Variants in TMC1 observed in about 807,000 individuals in gnomAD.
TMC1 encodes the protein transmembrane channel-like protein 1.
Under a neutral mutation model 105.8 loss-of-function variants are expected in TMC1, and 84 were observed. The ratio of observed to expected loss-of-function variants is 0.79; its 90% CI spans 0.67 to 0.95. TMC1 has a LOEUF of 0.95. TMC1 is among the 40% of genes least tolerant of loss of function. The pLI is 0.00. For missense variants in TMC1, 817 were observed against 914.1 expected (o/e 0.89, Z 1.37); for synonymous variants, 315 against 311.5 (o/e 1.01, Z -0.12).
chr9:72,584,146 A>C (rs1204752360), intron 2 of TMC1, among the ~76,000 whole-genome samples: 8 of 152,240 alleles, frequency 5.3e-5, no homozygotes, highest in Non-Finnish European at 1.2e-4. Flanking sequence ...GTAGGGGTAC[A>C]GGGGAAGGAA....
At chr9:72,594,717 CAT>C (rs1167046389) in intron 2 of TMC1, among the ~76,000 whole-genome samples, 1 of 152,088 alleles carries the variant, frequency 6.6e-6, no homozygotes, top group African/African-American at 2.4e-5. Flanking sequence ...TATATTCTCT[CAT>C]ATTCTCCTCA....
intron 2 of TMC1, among the ~76,000 whole-genome samples, chr9:72,614,973 C>T (rs1825102300): frequency 6.6e-6 from 1 of 152,120 alleles, no homozygotes; most frequent in South Asian, 2.1e-4. Flanking sequence ...AGCCACTGAG[C>T]CCAGCCAGTT....
intron 1 of TMC1, among the ~76,000 whole-genome samples, chr9:72,555,629 C>T (rs1269245678): frequency 6.7e-6 from 1 of 149,736 alleles, no homozygotes; most frequent in African/African-American, 2.5e-5. Flanking sequence ...GGACTTAACT[C>T]TTTTTTTTTG....
chr9:72,742,711 C>T (rs1827411336), intron 10 of TMC1, among the ~76,000 whole-genome samples, 186 bp downstream of exon 10: 1 of 152,168 alleles, frequency 6.6e-6, no homozygotes, highest in African/African-American at 2.4e-5. Flanking sequence ...TTTGCTAGCA[C>T]TTACCAAGGA....
intron 23 of TMC1, among the ~76,000 whole-genome samples, chr9:72,833,086 A>G (rs1829067493): frequency 6.6e-6 from 1 of 152,176 alleles, no homozygotes; most frequent in South Asian, 2.1e-4. Flanking sequence ...TAATTTTAAT[A>G]GATAATATTT....
chr9:72,532,278 C>T (rs545609686), intron 1 of TMC1, among the ~76,000 whole-genome samples: 15 of 152,198 alleles, frequency 9.9e-5, no homozygotes, highest in African/African-American at 2.9e-4. Flanking sequence ...TGGCAGCTCA[C>T]GCCTGTAATC....
intron 1 of TMC1, among the ~76,000 whole-genome samples, chr9:72,569,026 C>G (rs1292912889): frequency 2.0e-5 from 3 of 152,130 alleles, no homozygotes; most frequent in African/African-American, 7.2e-5. Context: ...TAGAAGTGAA[C>G]TAAACAATAA....
intron 1 of TMC1, among the ~76,000 whole-genome samples, chr9:72,571,376 TTC>T (rs34947737): frequency 2.7e-5 from 4 of 149,074 alleles, no homozygotes; most frequent in Non-Finnish European, 3.0e-5. Flanking sequence ...ACTTCTCTCT[TTC>T]TCTCTCTCTC....
chr9:72,721,019 G>T (rs1311088927), intron 8 of TMC1, among the ~76,000 whole-genome samples: 6 of 152,000 alleles, frequency 3.9e-5, no homozygotes, highest in Non-Finnish European at 5.9e-5. Context: ...CAAATGGGGG[G>T]CCCCTTGTTA....
At chr9:72,835,915 G>GTTTTTTTTTTTTTTTTTTTTCTTTTT in intron 23 of TMC1, 36 bp from the exon 24 acceptor site, 2 of 1,314,682 alleles carry the variant, frequency 1.5e-6, no homozygotes, top group East Asian at 5.1e-5. Context: ...CTCTCTCCTT[G>GTTTTTTTTTTTTTTTTTTTTCTTTTT]TTTTTTTTTT....
chr9:72,565,335 T>C (rs1194905724), intron 1 of TMC1, among the ~76,000 whole-genome samples: 2 of 151,972 alleles, frequency 1.3e-5, no homozygotes, highest in Non-Finnish European at 2.9e-5. Flanking sequence ...GAATAGGAGA[T>C]TGGGTACCTT....
chr9:72,614,559 A>G (rs1359163984), intron 2 of TMC1, among the ~76,000 whole-genome samples: 1 of 152,194 alleles, frequency 6.6e-6, no homozygotes, highest in East Asian at 1.9e-4. Context: ...TAATTTTTGC[A>G]AGGTTTTCAA....
chr9:72,754,972 G>C (rs970302481), intron 12 of TMC1, 88 bp downstream of exon 12: 2 of 841,268 alleles, frequency 2.4e-6, no homozygotes. Flanking sequence ...CCTCTCCTGG[G>C]TCAGGCTGAA....
At chr9:72,679,776 A>G (rs1242454629) in intron 5 of TMC1, among the ~76,000 whole-genome samples, 1 of 152,070 alleles carries the variant, frequency 6.6e-6, no homozygotes, top group African/African-American at 2.4e-5. Flanking sequence ...CAACATATGA[A>G]TTTTGGGGAA....
At chr9:72,586,264 G>A (rs1824552934) in intron 2 of TMC1, among the ~76,000 whole-genome samples, 2 of 152,282 alleles carry the variant, frequency 1.3e-5, no homozygotes, top group South Asian at 4.1e-4. Context: ...AGGGAATACT[G>A]CTGAAGTTTG....
At chr9:72,738,375 A>G (rs947499709) in intron 8 of TMC1, among the ~76,000 whole-genome samples, 7 of 151,908 alleles carry the variant, frequency 4.6e-5, no homozygotes, top group Admixed American at 2.6e-4. Context: ...TTTGGCACTG[A>G]TACTAAGGAA....
intron 13 of TMC1, among the ~76,000 whole-genome samples, chr9:72,778,061 A>G (rs1376674442): frequency 1.3e-5 from 2 of 152,194 alleles, no homozygotes; most frequent in Admixed American, 1.3e-4. Flanking sequence ...TGTGGTGCTC[A>G]GTTGGGGAAA....
chr9:72,683,755 A>ATC (rs2132179155), intron 5 of TMC1, among the ~76,000 whole-genome samples: 1 of 116,148 alleles, frequency 8.6e-6, no homozygotes, highest in South Asian at 2.8e-4. Flanking sequence ...ATATATATAT[A>ATC]TATATATATA....
At chr9:72,690,029 T>C (rs1826438929) in intron 6 of TMC1, among the ~76,000 whole-genome samples, 1 of 152,034 alleles carries the variant, frequency 6.6e-6, no homozygotes. Flanking sequence ...TTTGTCCCTT[T>C]TTTATCTCAT....
Sources: allele counts gnomAD v4.1 joint callset (sites outside exome capture counted in the v4.1 genomes callset), GRCh38; gene constraint gnomAD v4.1.1; transcripts MANE v1.5; gene names NCBI Gene and HGNC (gene_info 2026-07-23, HGNC 2026-07-21).